Variants in KIR3DL1 observed in about 807,000 individuals in gnomAD.
KIR3DL1 encodes killer cell immunoglobulin like receptor, three Ig domains and long cytoplasmic tail 1, also known as killer cell immunoglobulin-like receptor 3DL1.
Under a neutral mutation model 40.3 loss-of-function variants are expected in KIR3DL1, and 50 were observed. That is an observed-to-expected ratio of 1.24 (90% CI 0.99 to 1.57). The LOEUF (loss-of-function observed/expected upper bound fraction) is 1.57, where lower values mean the gene tolerates loss of function less well. Ranked by LOEUF, KIR3DL1 falls within the 40% of genes most tolerant of loss-of-function variation. The pLI, the probability that KIR3DL1 is intolerant of heterozygous loss-of-function variation, is 0.00. For synonymous variants in KIR3DL1, 257 were observed against 207.2 expected, an observed-to-expected ratio of 1.24 and a Z score of -2.07; for missense variants, 661 against 559.9, an observed-to-expected ratio of 1.18 and a Z score of -1.82.
intron 7 of KIR3DL1, 81 bp downstream of exon 7, chr19:54,829,546 A>T: frequency 1.7e-6 from 2 of 1,197,344 alleles, no homozygotes; most frequent in Non-Finnish European, 2.4e-6. Flanking sequence ...TGTGTTCCTC[A>T]CTGGCAGGAT....
intron 6 of KIR3DL1, among the ~76,000 whole-genome samples, chr19:54,826,013 A>G (rs2061868557): frequency 6.6e-6 from 1 of 151,400 alleles, no homozygotes; most frequent in African/African-American, 2.4e-5. Flanking sequence ...CCCGGAAATC[A>G]TTCAGGATAC....
Position 54,818,715 on chromosome 19 carries a change from G to A in KIR3DL1, c.355+116G>A, listed in dbSNP as rs547427207. ...GGCCCTGACTGTATTTGGGGTCAAG[G>A]GAGATTGAATACAGGGGAAATGGGT... On this transcript the variant is annotated intron_variant, in intron 3 of 8. Transcript: ENST00000391728. 75 of 1,389,396 alleles carry A rather than the reference G, an allele frequency of 5.4e-5. 2 individuals are homozygous for A. Among genetic ancestry groups the A allele is most frequent in the Non-Finnish European group, 6.7e-5 (69 of 1,034,814 alleles). 86.1% of individuals were successfully genotyped at this position (1,389,396 alleles called of 1,614,324 possible). A position where few individuals can be genotyped will look rare whatever the true frequency, so the allele number is the denominator to read the frequency against.
chr19:54,824,919 G>C, intron 5 of KIR3DL1, 109 bp from the exon 6 acceptor site: 2 of 992,290 alleles, frequency 2.0e-6, no homozygotes. Context: ...GACTCCCAGG[G>C]TCCAACATTA....
chr19:54,816,736 CTG>C (rs2061353037), intron 1 of KIR3DL1, among the ~76,000 whole-genome samples: 1 of 46,204 alleles, frequency 2.2e-5, no homozygotes, highest in Non-Finnish European at 4.1e-5. Flanking sequence ...GAGTGGAGAT[CTG>C]GGCCTGGAGT....
At chr19:54,818,339 C>T (rs780506830) in exon 3 of KIR3DL1, 2 of 1,603,830 alleles carry the variant, frequency 1.2e-6, no homozygotes, top group Admixed American at 1.7e-5. Flanking sequence ...CCCTTCCTGT[C>T]TGCCTGGCCC....
At chr19:54,817,327 G>T (rs1294544020) in intron 1 of KIR3DL1, among the ~76,000 whole-genome samples, 3 of 145,160 alleles carry the variant, frequency 2.1e-5, no homozygotes, top group Non-Finnish European at 3.0e-5. Context: ...CTGTTGTGTA[G>T]ATCTAGGCCT....
chr19:54,820,085 G>T (rs1182318585), intron 4 of KIR3DL1, 73 bp downstream of exon 4: 45 of 1,500,058 alleles, frequency 3.0e-5, no homozygotes, highest in Non-Finnish European at 5.5e-6. Context: ...GGAACCCCCA[G>T]GTGGTCATGA....
At chr19:54,821,447 TGA>T (rs765148884) in intron 4 of KIR3DL1, 116 bp from the exon 5 acceptor site, 67,675 of 894,968 alleles carry the variant, frequency 0.076, no homozygotes, top group South Asian at 0.15. Context: ...GGGTGGAGGG[TGA>T]GAGAGAGAGA....
At chr19:54,821,321 G>A (rs373388515) in intron 4 of KIR3DL1, among the ~76,000 whole-genome samples, 4,935 of 151,092 alleles carry the variant, frequency 0.033, 235 homozygotes, top group South Asian at 0.11. Context: ...TCCAAGGAGG[G>A]TCAGAGAGAA....
In KIR3DL1 at chr19:54,816,478, C is replaced by T. The variant is rs575496969; in HGVS notation, c.-23C>T. The T allele has an allele frequency of 2.2e-3, 3,603 of 1,603,058 alleles. 183 individuals are homozygous for T. In the African/African-American group the frequency reaches 0.045, roughly 20 times the overall value. On this transcript the variant is annotated 5_prime_UTR_variant, in exon 1 of 9. Coordinates refer to ENST00000391728, the Ensembl canonical transcript of KIR3DL1. ...CTGCTGAGCTGAGCTGGGGCGCAGC[C>T]GCCTGTCTGCACCGGCAGCACCATG... is the stretch of plus-strand genomic sequence containing the variant.
In KIR3DL1 at chr19:54,821,943, G is replaced by A. The variant is rs990548072; in HGVS notation, c.949+85G>A. The A allele has an allele frequency of 1.7e-4, 255 of 1,462,148 alleles. 10 individuals are homozygous for A. The highest frequency in any genetic ancestry group is 3.4e-4 in the Admixed American group (19 of 55,548). The allele number at this position is 1,462,148 out of a possible 1,614,324, so 90.6% of individuals were successfully genotyped here. A position where few individuals can be genotyped will look rare whatever the true frequency, so the allele number is the denominator to read the frequency against. ...TCCTGCTGATGATGGAGAAAAGCATGGACAGATGCAGAGAGAAGACACAGC... is the reference window on the plus strand; with the variant it reads ...TCCTGCTGATGATGGAGAAAAGCATAGACAGATGCAGAGAGAAGACACAGC... On this transcript the variant is annotated intron_variant, in intron 5 of 8. Coordinates refer to ENST00000391728, the Ensembl canonical transcript of KIR3DL1.
chr19:54,825,601 G>A (rs1489492125), intron 6 of KIR3DL1, among the ~76,000 whole-genome samples: 2 of 148,676 alleles, frequency 1.3e-5, no homozygotes, highest in Non-Finnish European at 3.0e-5. Context: ...AGGCTGTGCA[G>A]TTGGAATCCT....
At chr19:54,829,951 C>G (rs1226814775) in exon 8 of KIR3DL1, 14 of 1,524,106 alleles carry the variant, frequency 9.2e-6, no homozygotes, top group Non-Finnish European at 1.2e-5. Context: ...GGACCAAGAG[C>G]CTGCAGGGAA....
rs1408848112 is a variant in KIR3DL1 at position 54,819,947 on chromosome 19, G to A, written c.590G>A (p.Gly197Asp). The A allele has an allele frequency of 3.7e-6, 6 of 1,611,900 alleles. No homozygotes were observed. Among genetic ancestry groups the A allele is most frequent in the Non-Finnish European group, 5.1e-6 (6 of 1,179,398 alleles). The change falls in exon 4 of 9, where the codon GGT becomes GAT. Residue 197 changes from glycine to aspartate, a missense_variant. Coordinates refer to ENST00000391728, the Ensembl canonical transcript of KIR3DL1. ...CTTGCAGGGACCTACAGATGCTACG[G>A]TTCTGTTACTCACACCCCCTATCAG...
In KIR3DL1 at chr19:54,821,630, A is replaced by T. The variant is rs1329239906; in HGVS notation, c.721A>T (p.Thr241Ser). The T allele has an allele frequency of 1.9e-6, 3 of 1,609,316 alleles. 1 individual carries two copies. Residue 241 changes from threonine (T) to serine (S), a missense_variant, in exon 5 of 9, where the codon ACC (threonine) becomes TCC (serine). By Grantham distance (58) the Thr-to-Ser change is moderately conservative. Coordinates refer to ENST00000391728, the Ensembl canonical transcript of KIR3DL1. ...CAAGGTTCAGGCAGGAGAGAGCGTG[A>T]CCTTGTCCTGTAGCTCCCGGAGCTC...
chr19:54,820,002 C>A, exon 4 of KIR3DL1: 1 of 1,610,060 alleles, frequency 6.2e-7, no homozygotes, highest in Non-Finnish European at 8.5e-7. Context: ...CCCTGGACAT[C>A]GTGGTCACAG....
intron 5 of KIR3DL1, among the ~76,000 whole-genome samples, chr19:54,823,142 G>C (rs1415503629): frequency 1.3e-5 from 2 of 149,530 alleles, no homozygotes; most frequent in Non-Finnish European, 3.0e-5. Flanking sequence ...TCAAATGATT[G>C]TCCTGACTCA....
chr19:54,821,890 A>G lies in KIR3DL1; in HGVS notation c.949+32A>G, dbSNP rs1249648132. 30 of 1,585,434 alleles carry G rather than the reference A, an allele frequency of 1.9e-5. 1 individual carries two copies. Among genetic ancestry groups the G allele is most frequent in the South Asian group, 8.9e-5 (8 of 90,146 alleles). ...AAAGCCCATATCTCTCTCATGTCCTATGATCCTAAATCCTTAGCTAAGGAG... is the reference window on the plus strand; with the variant it reads ...AAAGCCCATATCTCTCTCATGTCCTGTGATCCTAAATCCTTAGCTAAGGAG... On this transcript the variant is annotated intron_variant, in intron 5 of 8. Coordinates refer to ENST00000391728, the Ensembl canonical transcript of KIR3DL1.
chr19:54,817,713 T>C (rs613491), intron 2 of KIR3DL1, 144 bp downstream of exon 2: 279,287 of 580,590 alleles, frequency 0.48, 81,868 homozygotes, highest in East Asian at 0.74. Flanking sequence ...TGACCTTGCC[T>C]TCCCCGGCCT....
Sources: gnomAD v4.1 joint callset for allele counts (sites outside exome capture counted in the v4.1 genomes callset) on GRCh38, gnomAD v4.1.1 for gene constraint, MANE v1.5 for transcripts, NCBI Gene and HGNC (gene_info 2026-07-23, HGNC 2026-07-21) for gene names.